Variants in IQGAP2 observed in about 807,000 individuals in gnomAD.
The protein encoded by IQGAP2 is IQ motif containing GTPase activating protein 2.
Under a neutral mutation model 201.3 loss-of-function variants are expected in IQGAP2, and 173 were observed. The observed-to-expected ratio is 0.86, with a 90% CI of 0.76 to 0.98. The LOEUF (loss-of-function observed/expected upper bound fraction) is 0.98, where lower values mean the gene tolerates loss of function less well. Ranked by LOEUF, IQGAP2 falls within the 50% of genes least tolerant of loss-of-function variation. The pLI is 0.00. For synonymous variants in IQGAP2, 675 were observed against 673.9 expected, an observed-to-expected ratio of 1.00 and a Z score of -0.03; for missense variants, 1,687 against 1,864.8, an observed-to-expected ratio of 0.90 and a Z score of 1.76.
At chr5:76,556,920 G>C (rs1020225958) in intron 2 of IQGAP2, among the ~76,000 whole-genome samples, 2 of 152,184 alleles carry the variant, frequency 1.3e-5, no homozygotes, top group Admixed American at 6.5e-5. Flanking sequence ...GCACTACAAG[G>C]GGAAACCTGG....
At chr5:76,570,291 C>T (rs752917373) in intron 3 of IQGAP2, among the ~76,000 whole-genome samples, 14 of 152,136 alleles carry the variant, frequency 9.2e-5, no homozygotes, top group Non-Finnish European at 1.5e-4. Flanking sequence ...ACATGTGTCT[C>T]ATAAAACATC....
rs757841586 is a variant in IQGAP2 at position 76,699,605 on chromosome 5, T to TTCTCTCTCTCTCTCTC, written c.4368-1430_4368-1415dup. ...TCATTTGCTTCAGGCTTCTCTCTGT[T>TTCTCTCTCTCTCTCTC]TCTCTCTCTCTCTCTCTCTCTCTCT... On this transcript the variant is annotated intron_variant, in intron 33 of 35. Transcript: ENST00000274364. The TTCTCTCTCTCTCTCTC allele has an allele frequency of 2.0e-4, 10 of 49,496 alleles. 1 individual carries two copies. Among genetic ancestry groups the TTCTCTCTCTCTCTCTC allele is most frequent in the Admixed American group, 6.1e-4 (2 of 3,304 alleles). The allele number at this position is 49,496 out of a possible 1,614,324, so 3.1% of individuals were successfully genotyped here. A position where few individuals can be genotyped will look rare whatever the true frequency, so the allele number is the denominator to read the frequency against.
chr5:76,618,026 T>C (rs1418675264), intron 13 of IQGAP2: 3 of 1,614,034 alleles, frequency 1.9e-6, no homozygotes, highest in Non-Finnish European at 2.5e-6. Context: ...GTATGAAAAA[T>C]GGCAGCATAT....
At chr5:76,699,253 T>G (rs2150553589) in intron 33 of IQGAP2, 1 of 152,352 alleles carries the variant, frequency 6.6e-6, no homozygotes, top group African/African-American at 2.4e-5. Flanking sequence ...TCACTTAGCA[T>G]AGTGTCCTCT....
chr5:76,419,422 C>T (rs917739274), intron 1 of IQGAP2, among the ~76,000 whole-genome samples: 1 of 152,002 alleles, frequency 6.6e-6, no homozygotes. Flanking sequence ...CTGCAACCTC[C>T]GCCTCCCAAG....
At chr5:76,651,052 A>G (rs1431918884) in intron 17 of IQGAP2, among the ~76,000 whole-genome samples, 1 of 152,170 alleles carries the variant, frequency 6.6e-6, no homozygotes, top group African/African-American at 2.4e-5. Flanking sequence ...ACCCTTTTGT[A>G]GTTTCCTCGA....
chr5:76,434,193 T>G (rs1399178372), intron 1 of IQGAP2, among the ~76,000 whole-genome samples: 1 of 152,304 alleles, frequency 6.6e-6, no homozygotes, highest in East Asian at 1.9e-4. Flanking sequence ...TATTTAAAAT[T>G]TTTAAAGAAA....
chr5:76,485,979 T>A (rs1471716604), intron 2 of IQGAP2, among the ~76,000 whole-genome samples: 1 of 152,218 alleles, frequency 6.6e-6, no homozygotes. Context: ...CTGGTTTTAA[T>A]TTTTGTAAAA....
chr5:76,664,868 GA>G (rs59744281), intron 21 of IQGAP2, among the ~76,000 whole-genome samples, 157 bp from the exon 22 acceptor site: 35,285 of 151,708 alleles, frequency 0.23, 4,574 homozygotes, highest in East Asian at 0.53. Flanking sequence ...AATTTGCAAA[GA>G]AAAAAAATGC....
At chr5:76,662,523 G>T (rs1194891565) in intron 21 of IQGAP2, among the ~76,000 whole-genome samples, 2 of 152,170 alleles carry the variant, frequency 1.3e-5, no homozygotes, top group Non-Finnish European at 2.9e-5. Flanking sequence ...GAAAAGGGGG[G>T]AATTATAGGT....
At position 76,562,343 on chromosome 5, in the gene IQGAP2, C is replaced by T. The variant is rs111578251; in HGVS notation, c.147-53C>T. ...GCGAAATGCTGCATGCCTTCATTTG[C>T]AGAAAGTTACCCAACTGGAATCACT... On this transcript the variant is annotated intron_variant, in intron 2 of 35. Transcript: ENST00000274364. 3.7e-3 allele frequency: 5,090 copies of T among 1,381,578 alleles called. 156 individuals are homozygous for T. In the African/African-American group the frequency reaches 0.064, roughly 17 times the overall value. 85.6% of individuals were successfully genotyped at this position (1,381,578 alleles called of 1,614,324 possible).
chr5:76,556,532 C>T (rs1743959627), intron 2 of IQGAP2, among the ~76,000 whole-genome samples: 1 of 152,196 alleles, frequency 6.6e-6, no homozygotes, highest in African/African-American at 2.4e-5. Context: ...TTCTTAACTC[C>T]TATATCCCTA....
chr5:76,421,890 C>T (rs552021690), intron 1 of IQGAP2, among the ~76,000 whole-genome samples: 2 of 152,156 alleles, frequency 1.3e-5, no homozygotes, highest in African/African-American at 4.8e-5. Flanking sequence ...AAATACTGTG[C>T]GATCTTGAAC....
At chr5:76,686,333 TG>T (rs1205430067) in intron 30 of IQGAP2, among the ~76,000 whole-genome samples, 6 of 132,196 alleles carry the variant, frequency 4.5e-5, no homozygotes, top group African/African-American at 1.9e-4. Flanking sequence ...CCAGTTTATC[TG>T]TTTTTTTTGT....
At chr5:76,469,078 C>T (rs1213145446) in intron 2 of IQGAP2, among the ~76,000 whole-genome samples, 3 of 152,174 alleles carry the variant, frequency 2.0e-5, no homozygotes, top group Admixed American at 6.5e-5. Context: ...ATCAGACTCA[C>T]GGTAGACAGC....
At chr5:76,646,792 A>T (rs1752072757) in intron 17 of IQGAP2, among the ~76,000 whole-genome samples, 1 of 152,132 alleles carries the variant, frequency 6.6e-6, no homozygotes, top group Non-Finnish European at 1.5e-5. Flanking sequence ...CCATTTATTA[A>T]TCTGTTCCAA....
At chr5:76,499,799 GTTAA>G (rs1757176854) in intron 2 of IQGAP2, among the ~76,000 whole-genome samples, 1 of 152,032 alleles carries the variant, frequency 6.6e-6, no homozygotes. Context: ...GAACTCAATT[GTTAA>G]TTTCCTTAAA....
chr5:76,588,918 C>T lies in IQGAP2; in HGVS notation c.471C>T (p.Phe157=). The T allele has an allele frequency of 6.2e-7, 1 of 1,604,182 alleles. No individual in the cohort carries two copies. Among genetic ancestry groups the T allele is most frequent in the Admixed American group, 1.7e-5 (1 of 59,828 alleles). ...YCIHALSLYL[F]KLGIAPQIQD... ...TTTTTTCTTTCAGTTTGTATCTGTT[C>T]AAACTAGGAATAGCACCCCAGATCC... The change falls in exon 6 of 36, where the codon TTC becomes TTT. Residue 157 remains phenylalanine (F), a synonymous_variant. Coordinates refer to ENST00000274364, the MANE Select transcript of IQGAP2 (RefSeq NM_006633.5).
rs906673070 is a variant in IQGAP2 at position 76,490,666 on chromosome 5, T to A, written c.146+28997T>A. Among the ~76,000 whole-genome samples the A allele has an allele frequency of 9.2e-5, 14 of 152,294 alleles. 1 individual carries two copies. Among genetic ancestry groups the A allele is most frequent in the Admixed American group, 5.9e-4 (9 of 15,294 alleles). On this transcript the variant is annotated intron_variant, in intron 2 of 35. Transcript: ENST00000274364. ...TAGTGGCTATGAGAAAAAAGCTATTTTGTTGTCATTGTTATAACACCCAGC... is the reference window on the plus strand; with the variant it reads ...TAGTGGCTATGAGAAAAAAGCTATTATGTTGTCATTGTTATAACACCCAGC...
Sources: allele counts gnomAD v4.1 joint callset (sites outside exome capture counted in the v4.1 genomes callset), GRCh38; gene constraint gnomAD v4.1.1; transcripts MANE v1.5; gene names NCBI Gene and HGNC (gene_info 2026-07-23, HGNC 2026-07-21).